Variants in ZNF618 observed in about 807,000 individuals in gnomAD.
ZNF618 encodes the protein zinc finger protein 618.
In ZNF618, 34 loss-of-function variants were observed where a neutral mutation model predicts 103.0. The ratio of observed to expected loss-of-function variants is 0.33; its 90% CI spans 0.25 to 0.44. ZNF618 has a LOEUF of 0.44. Ranked by LOEUF, ZNF618 falls within the 20% of genes least tolerant of loss-of-function variation. ZNF618 has a pLI of 1.00. For synonymous variants in ZNF618, 551 were observed against 542.2 expected (o/e 1.02, Z -0.23); for missense variants, 1,059 against 1,295.4 (o/e 0.82, Z 2.80).
At chr9:113,899,206 A>G (rs1485742589) in intron 1 of ZNF618, among the ~76,000 whole-genome samples, 1 of 151,934 alleles carries the variant, frequency 6.6e-6, no homozygotes, top group African/African-American at 2.4e-5. Flanking sequence ...GTTCAGTAAT[A>G]TGAAGTACAT....
intron 2 of ZNF618, among the ~76,000 whole-genome samples, chr9:113,972,962 A>G (rs59015906): frequency 0.014 from 2,135 of 152,218 alleles, 138 homozygotes; most frequent in Admixed American, 0.11. Context: ...CCAGCTACTC[A>G]GGAGGCTGAG....
At chr9:114,019,379 A>T (rs565747475) in intron 10 of ZNF618, among the ~76,000 whole-genome samples, 21 of 152,330 alleles carry the variant, frequency 1.4e-4, no homozygotes, top group Admixed American at 5.2e-4. Flanking sequence ...TGACTGGGTC[A>T]TGGGGAATAG....
At position 114,032,653 on chromosome 9, in the gene ZNF618, G is replaced by A. The variant is rs371311524; in HGVS notation, c.1093G>A (p.Ala365Thr). The A allele has an allele frequency of 4.0e-5, 65 of 1,613,900 alleles. No homozygotes were observed. Among genetic ancestry groups the A allele is most frequent in the Non-Finnish European group, 5.1e-5 (60 of 1,179,888 alleles). ...TCCTGTCCCCCACCCAGCAGAAAGC[G>A]CTTTCAGTCGGAGAGTAGAAGGCAA... ...PASKATAAESAFSRRVEGKAQ... is the reference protein window; with the variant it reads ...PASKATAAESTFSRRVEGKAQ... Residue 365 changes from alanine to threonine, a missense_variant, in exon 12 of 15, where the codon GCT (alanine) becomes ACT (threonine). This residue lies in a region of ZNF618 where 434 missense variants were observed against 476.0 expected (regional missense o/e 0.91). Coordinates refer to ENST00000374126, the MANE Select transcript of ZNF618 (RefSeq NM_001318042.2).
chr9:113,929,335 G>A (rs975151944), intron 1 of ZNF618, among the ~76,000 whole-genome samples: 4 of 152,204 alleles, frequency 2.6e-5, no homozygotes, highest in African/African-American at 9.7e-5. Context: ...GCAGTTGACT[G>A]TCTCTGCAGA....
At chr9:113,930,269 G>C (rs959603021) in intron 1 of ZNF618, among the ~76,000 whole-genome samples, 2 of 152,118 alleles carry the variant, frequency 1.3e-5, no homozygotes, top group African/African-American at 4.8e-5. Flanking sequence ...AGTCATTTAG[G>C]GGCAGGAAAA....
chr9:114,025,853 G>A (rs925242505), intron 10 of ZNF618, among the ~76,000 whole-genome samples: 1 of 152,174 alleles, frequency 6.6e-6, no homozygotes, highest in Non-Finnish European at 1.5e-5. Flanking sequence ...TTTCCTGGCC[G>A]CTCACGCATT....
At chr9:113,907,666 A>G (rs1288885284) in intron 1 of ZNF618, among the ~76,000 whole-genome samples, 3 of 152,182 alleles carry the variant, frequency 2.0e-5, no homozygotes, top group Non-Finnish European at 4.4e-5. Flanking sequence ...CCCGCATGAG[A>G]GGCCCCTGGG....
At position 114,008,474 on chromosome 9, in the gene ZNF618, C is replaced by T; in HGVS notation, c.677-3C>T. ...GTGCTAAGGGCCGTGTGTTCTCCCACAGACCCCTTCGACCAAGGTGTCGTG... is the reference window on the plus strand; with the variant it reads ...GTGCTAAGGGCCGTGTGTTCTCCCATAGACCCCTTCGACCAAGGTGTCGTG... On this transcript the variant is annotated splice_region_variant and splice_polypyrimidine_tract_variant and intron_variant, in intron 8 of 14. Coordinates refer to ENST00000374126, the MANE Select transcript of ZNF618 (RefSeq NM_001318042.2). The T allele has an allele frequency of 1.9e-6, 3 of 1,613,984 alleles. No homozygotes were observed. Among genetic ancestry groups the T allele is most frequent in the Non-Finnish European group, 2.5e-6 (3 of 1,179,866 alleles).
At chr9:113,967,080 A>C (rs1023132165) in intron 1 of ZNF618, among the ~76,000 whole-genome samples, 10 of 152,214 alleles carry the variant, frequency 6.6e-5, no homozygotes, top group Admixed American at 1.3e-4. Context: ...TTGTGAAGGA[A>C]AAGGACAAAA....
At position 114,028,852 on chromosome 9, in the gene ZNF618, A is replaced by G; in HGVS notation, c.964A>G (p.Lys322Glu). The change falls in exon 11 of 15, where the codon AAA becomes GAA. Residue 322 changes from lysine to glutamate, a missense_variant. Transcript: ENST00000374126. ...AAKTQTNQSG[K>E]KAPASVVRCA... ...GAAGACCCAGACGAACCAGTCGGGG[A>G]AAAAAGCTCCGGCCTCCGTGGTCCG... 2 of 1,550,568 alleles carry G rather than the reference A, an allele frequency of 1.3e-6. No individual in the cohort carries two copies. The highest frequency in any genetic ancestry group is 2.4e-5 in the East Asian group (1 of 40,906).
intron 1 of ZNF618, among the ~76,000 whole-genome samples, chr9:113,902,776 C>A (rs1830674241): frequency 1.3e-5 from 2 of 152,160 alleles, no homozygotes; most frequent in Admixed American, 6.5e-5. Flanking sequence ...TATAACCAGT[C>A]CCCTTTCTGA....
chr9:113,987,878 T>C (rs996602343), intron 2 of ZNF618, among the ~76,000 whole-genome samples: 5 of 146,468 alleles, frequency 3.4e-5, no homozygotes, highest in Non-Finnish European at 7.5e-5. Flanking sequence ...CCAGAACAGC[T>C]GAGCCAGAAT....
At chr9:113,989,807 T>C (rs1475015220) in intron 3 of ZNF618, among the ~76,000 whole-genome samples, 2 of 152,264 alleles carry the variant, frequency 1.3e-5, no homozygotes, top group African/African-American at 4.8e-5. Context: ...TGTTCCCTGC[T>C]GGTTGTGGCC....
At chr9:113,883,689 G>A (rs1385210594) in intron 1 of ZNF618, among the ~76,000 whole-genome samples, 1 of 152,080 alleles carries the variant, frequency 6.6e-6, no homozygotes, top group Non-Finnish European at 1.5e-5. Flanking sequence ...TTAACACTTT[G>A]TGGCCAATTT....
chr9:113,959,939 C>T (rs886555644), intron 1 of ZNF618, among the ~76,000 whole-genome samples: 2 of 152,248 alleles, frequency 1.3e-5, no homozygotes, highest in African/African-American at 4.8e-5. Flanking sequence ...TGACTCAGGC[C>T]TCAGGTTTGG....
At chr9:114,026,162 T>G (rs1301038916) in intron 10 of ZNF618, among the ~76,000 whole-genome samples, 1 of 152,136 alleles carries the variant, frequency 6.6e-6, no homozygotes. Context: ...GTCAAAAGTT[T>G]GAGGGAAGAA....
At chr9:113,998,378 G>A (rs1840839901) in intron 4 of ZNF618, 24 bp downstream of exon 4, 1 of 1,543,512 alleles carries the variant, frequency 6.5e-7, no homozygotes, top group East Asian at 2.4e-5. Context: ...AAGGGGTAGT[G>A]CCTGATCCGG....
At chr9:113,894,359 G>A (rs996598703) in intron 1 of ZNF618, among the ~76,000 whole-genome samples, 7 of 152,148 alleles carry the variant, frequency 4.6e-5, no homozygotes, top group Admixed American at 3.3e-4. Context: ...TAGGTGCCAA[G>A]GTGCTGAATC....
chr9:113,980,419 C>T (rs533894514), intron 2 of ZNF618, among the ~76,000 whole-genome samples: 89 of 152,068 alleles, frequency 5.9e-4, no homozygotes, highest in Non-Finnish European at 9.9e-4. Flanking sequence ...ATTTGGGATT[C>T]AACACCATGT....
Sources: allele counts gnomAD v4.1 joint callset (sites outside exome capture counted in the v4.1 genomes callset), GRCh38; gene constraint gnomAD v4.1.1; regional missense constraint gnomAD v4.1.1; transcripts MANE v1.5; gene names NCBI Gene and HGNC (gene_info 2026-07-23, HGNC 2026-07-21).